Variants in GAB2 observed in about 807,000 individuals in gnomAD.
GAB2 encodes GRB2 associated binding protein 2.
GAB2 carries 26 observed loss-of-function variants against 65.5 expected under a neutral mutation model. The observed-to-expected ratio is 0.40, with a 90% CI of 0.29 to 0.55. The LOEUF (loss-of-function observed/expected upper bound fraction) is 0.55. Among genes scored for constraint, GAB2 ranks in the 20% least tolerant of loss-of-function variants. The probability of loss-of-function intolerance (pLI) is 0.53; values close to 1 mark genes in which losing one functional copy is unlikely to be tolerated. For missense variants in GAB2, 884 were observed against 875.8 expected (o/e 1.01, Z -0.12); for synonymous variants, 321 against 329.6 (o/e 0.97, Z 0.28).
intron 1 of GAB2, among the ~76,000 whole-genome samples, chr11:78,410,572 A>G (rs1021585306): frequency 6.6e-6 from 1 of 152,218 alleles, no homozygotes; most frequent in Non-Finnish European, 1.5e-5. Flanking sequence ...AAAATAAAGC[A>G]GTGGACCCAC....
At chr11:78,272,045 A>T (rs939564714) in intron 2 of GAB2, among the ~76,000 whole-genome samples, 2 of 152,234 alleles carry the variant, frequency 1.3e-5, no homozygotes, top group Non-Finnish European at 2.9e-5. Context: ...TCCTTCTGCC[A>T]TCATTGTGAG....
chr11:78,308,424 A>T (rs1472293818), intron 1 of GAB2, among the ~76,000 whole-genome samples: 1 of 152,172 alleles, frequency 6.6e-6, no homozygotes, highest in Non-Finnish European at 1.5e-5. Context: ...GAGAGAGGTC[A>T]CTGCAAATGA....
In GAB2 at chr11:78,264,642, AGGTGG is replaced by A. The variant is rs376147922; in HGVS notation, c.377-14247_377-14243del. 8.6e-3 allele frequency among the ~76,000 whole-genome samples: 1,310 copies of A among 151,914 alleles called. 20 individuals are homozygous for A. The highest frequency in any genetic ancestry group is 0.03 in the African/African-American group (1,245 of 41,460). On this transcript the variant is annotated intron_variant, in intron 2 of 9. Transcript: ENST00000361507. ...GGCTGGTCTTGAACTCCTGACCCTC[AGGTGG>A]TTTATCTCCCTTGGCCTCCCAAAGT...
At chr11:78,220,258 A>G (rs531330252) in intron 9 of GAB2, 61 bp downstream of exon 9, 149 of 1,597,342 alleles carry the variant, frequency 9.3e-5, no homozygotes, top group South Asian at 4.1e-4. Flanking sequence ...CCTGGCCTCC[A>G]TGATCTCTGC....
chr11:78,363,914 T>TA (rs1300522574), intron 1 of GAB2: 1 of 151,918 alleles, frequency 6.6e-6, no homozygotes, highest in African/African-American at 2.4e-5. Flanking sequence ...AAGCTGTAAG[T>TA]AGAGTTTTAA....
At chr11:78,226,209 A>G (rs2511180) in intron 4 of GAB2, among the ~76,000 whole-genome samples, 29,464 of 152,194 alleles carry the variant, frequency 0.19, 3,084 homozygotes, top group East Asian at 0.4. Context: ...GTTAATCAAG[A>G]ATGTCCTATT....
At chr11:78,300,684 G>A (rs865843323) in intron 1 of GAB2, among the ~76,000 whole-genome samples, 1 of 134,012 alleles carries the variant, frequency 7.5e-6, no homozygotes, top group African/African-American at 3.0e-5. Flanking sequence ...TTTTTTTTTT[G>A]GTTTTTTTTT....
At chr11:78,254,766 T>A (rs374473249) in intron 2 of GAB2, among the ~76,000 whole-genome samples, 6 of 151,042 alleles carry the variant, frequency 4.0e-5, no homozygotes, top group East Asian at 2.0e-4. Context: ...GCCACTGCAA[T>A]CAGCCAAGAT....
intron 1 of GAB2, among the ~76,000 whole-genome samples, chr11:78,303,007 AAAAG>A (rs1171061905): frequency 6.6e-6 from 1 of 152,218 alleles, no homozygotes; most frequent in African/African-American, 2.4e-5. Context: ...ATGCAAAAGC[AAAAG>A]AAAGAATGAT....
In GAB2 at chr11:78,376,928, GC is replaced by G. The variant is rs1323350441; in HGVS notation, c.75+40717del. Reference sequence around the variant, plus strand: ...AGATCATGGGAGTGGATCCCTCATGGCTTGGTGCTGTGAGTCTTGTAAGAGC... The same window carrying G: ...AGATCATGGGAGTGGATCCCTCATGGTTGGTGCTGTGAGTCTTGTAAGAGC... On this transcript the variant is annotated intron_variant, in intron 1 of 9. Coordinates refer to ENST00000361507, the MANE Select transcript of GAB2 (RefSeq NM_080491.3). Among the ~76,000 whole-genome samples, 6 of 152,270 alleles carry G rather than the reference GC, an allele frequency of 3.9e-5. No homozygotes were observed. In the East Asian group the frequency reaches 1.2e-3, roughly 29 times the overall value.
chr11:78,353,334 G>A (rs931586719), intron 1 of GAB2, among the ~76,000 whole-genome samples: 6 of 152,148 alleles, frequency 3.9e-5, no homozygotes, highest in Non-Finnish European at 7.4e-5. Context: ...CCAGCTACTC[G>A]GGAGGCTGAG....
In GAB2 at chr11:78,336,268, C is replaced by T. The variant is rs376168869; in HGVS notation, c.76-55367G>A. Among the ~76,000 whole-genome samples, 55 of 129,752 alleles carry T rather than the reference C, an allele frequency of 4.2e-4. 1 individual carries two copies. The Middle Eastern group carries it at 0.019, about 45-fold the overall frequency. 85.1% of individuals were successfully genotyped at this position (129,752 alleles called of 152,430 possible). ...GGTGGAGGTTGCAGTGAGCCAAGAT[C>T]GCACCACTGCACTCACTGCACTCAC... On this transcript the variant is annotated intron_variant, in intron 1 of 9. Coordinates refer to ENST00000361507, the MANE Select transcript of GAB2 (RefSeq NM_080491.3).
rs186019432 is a variant in GAB2 at position 78,229,146 on chromosome 11, G to A, written c.621-2095C>T. On this transcript the variant is annotated intron_variant, in intron 3 of 9. Coordinates refer to ENST00000361507, the MANE Select transcript of GAB2 (RefSeq NM_080491.3). The stretch of plus-strand genomic sequence containing the variant: ...CAGTTGGTATCAGCCCTTGCTGGGG[G>A]TGGTGGTAGACAATGTCAGGGAAGC... Among the ~76,000 whole-genome samples, 745 of 152,292 alleles carry A rather than the reference G, an allele frequency of 4.9e-3. 6 individuals carry two copies. Among genetic ancestry groups the A allele is most frequent in the Non-Finnish European group, 7.7e-3 (524 of 68,026 alleles).
chr11:78,292,775 T>C (rs992231165), intron 1 of GAB2, among the ~76,000 whole-genome samples: 1 of 152,250 alleles, frequency 6.6e-6, no homozygotes, highest in African/African-American at 2.4e-5. Context: ...AGAGACTTTA[T>C]ACTCTCTGAG....
chr11:78,365,716 C>G (rs534808906), intron 1 of GAB2, among the ~76,000 whole-genome samples: 1 of 152,360 alleles, frequency 6.6e-6, no homozygotes, highest in African/African-American at 2.4e-5. Flanking sequence ...CATCTTCTCA[C>G]TCCCCCAAGG....
chr11:78,330,538 C>T (rs1432400316), intron 1 of GAB2, among the ~76,000 whole-genome samples: 1 of 151,938 alleles, frequency 6.6e-6, no homozygotes, highest in Non-Finnish European at 1.5e-5. Context: ...AAAGAAGGGC[C>T]CGTAGTGATA....
At chr11:78,284,243 A>G (rs1177814838) in intron 1 of GAB2, among the ~76,000 whole-genome samples, 1 of 151,898 alleles carries the variant, frequency 6.6e-6, no homozygotes, top group African/African-American at 2.4e-5. Flanking sequence ...GCTTCTCCTC[A>G]CCTCCACTGT....
chr11:78,313,511 C>T (rs1855541509), intron 1 of GAB2, among the ~76,000 whole-genome samples: 1 of 152,064 alleles, frequency 6.6e-6, no homozygotes. Flanking sequence ...CTGGTATTGC[C>T]CCACCTCAGG....
chr11:78,238,216 A>C (rs1865036792), intron 3 of GAB2, among the ~76,000 whole-genome samples: 1 of 151,292 alleles, frequency 6.6e-6, no homozygotes, highest in South Asian at 2.1e-4. Flanking sequence ...CAAAAAAAAA[A>C]AAAAAAAAAA....
Sources: allele counts gnomAD v4.1 joint callset (sites outside exome capture counted in the v4.1 genomes callset), GRCh38; gene constraint gnomAD v4.1.1; transcripts MANE v1.5; gene names NCBI Gene and HGNC (gene_info 2026-07-23, HGNC 2026-07-21).